ZNF407: variants seen among roughly 807,000 people sequenced by gnomAD.
The protein encoded by ZNF407 is zinc finger protein 407.
In ZNF407, 17 loss-of-function variants were observed where a neutral mutation model predicts 131.2. The observed-to-expected ratio is 0.13, with a 90% CI of 0.09 to 0.19. ZNF407 has a LOEUF of 0.19. ZNF407 is among the 10% of genes least tolerant of loss of function. The probability of loss-of-function intolerance (pLI) is 1.00; values close to 1 mark genes in which losing one functional copy is unlikely to be tolerated. For missense variants in ZNF407, 2,681 were observed against 2,830.6 expected (o/e 0.95, Z 1.20); for synonymous variants, 1,156 against 1,062.0 (o/e 1.09, Z -1.72).
intron 8 of ZNF407, among the ~76,000 whole-genome samples, chr18:74,946,013 T>G (rs572009056): frequency 1.3e-5 from 2 of 152,170 alleles, no homozygotes; most frequent in African/African-American, 4.8e-5. Flanking sequence ...TTGCTGCCCA[T>G]AGCACCGTCA....
In ZNF407 at chr18:74,733,254, A is replaced by G. The variant is rs145082577; in HGVS notation, c.4803-48174A>G. ...TGCTGCAATAATTGTAAATTACAGT[A>G]TGTAATCTGTGCCTGAACCTCTTTC... On this transcript the variant is annotated intron_variant, in intron 3 of 8. Coordinates refer to ENST00000299687, the MANE Select transcript of ZNF407 (RefSeq NM_017757.3). Among the ~76,000 whole-genome samples the G allele has an allele frequency of 4.0e-3, 605 of 152,308 alleles. 4 individuals carry two copies. The highest frequency in any genetic ancestry group is 0.013 in the African/African-American group (555 of 41,582).
chr18:75,046,900 C>T (rs963489531), intron 8 of ZNF407, among the ~76,000 whole-genome samples: 7 of 151,992 alleles, frequency 4.6e-5, no homozygotes, highest in Non-Finnish European at 8.8e-5. Context: ...ATATACTAGT[C>T]GAATTTAAGT....
intron 8 of ZNF407, among the ~76,000 whole-genome samples, chr18:74,969,831 T>C (rs1200071858): frequency 6.6e-6 from 1 of 152,222 alleles, no homozygotes; most frequent in African/African-American, 2.4e-5. Flanking sequence ...TGTTAACTTG[T>C]TTGCATGAGA....
intron 8 of ZNF407, among the ~76,000 whole-genome samples, chr18:75,003,133 C>A (rs1972867466): frequency 6.6e-6 from 1 of 152,326 alleles, no homozygotes; most frequent in Middle Eastern, 3.4e-3. Flanking sequence ...GCTTTCCTAA[C>A]AAACATTTCA....
At chr18:74,670,012 C>T (rs906502581) in intron 3 of ZNF407, among the ~76,000 whole-genome samples, 1 of 152,208 alleles carries the variant, frequency 6.6e-6, no homozygotes, top group Non-Finnish European at 1.5e-5. Context: ...GTGGGATCTT[C>T]TCCCACAGCC....
intron 7 of ZNF407, among the ~76,000 whole-genome samples, chr18:74,910,712 TTTTAATGA>T (rs1450827344): frequency 1.3e-5 from 2 of 152,200 alleles, no homozygotes; most frequent in Admixed American, 1.3e-4. Context: ...TTTCCCACAT[TTTTAATGA>T]TTAGAGTTTC....
intron 8 of ZNF407, among the ~76,000 whole-genome samples, chr18:74,921,898 T>C (rs1971851630): frequency 6.6e-6 from 1 of 152,226 alleles, no homozygotes; most frequent in Non-Finnish European, 1.5e-5. Flanking sequence ...GAAATTGAAC[T>C]TGAGTAATTT....
intron 4 of ZNF407, 85 bp downstream of exon 4, chr18:74,781,587 T>C: frequency 1.0e-6 from 1 of 972,010 alleles, no homozygotes; most frequent in Admixed American, 3.4e-5. Flanking sequence ...TTCTAGACTT[T>C]TTTTTCACAT....
At chr18:74,910,312 T>G (rs1041792089) in intron 7 of ZNF407, among the ~76,000 whole-genome samples, 12 of 152,276 alleles carry the variant, frequency 7.9e-5, no homozygotes, top group African/African-American at 2.9e-4. Context: ...TTAACTTAAA[T>G]ATGTATATAT....
chr18:74,788,682 T>C (rs1969768355), intron 4 of ZNF407, among the ~76,000 whole-genome samples: 1 of 150,372 alleles, frequency 6.7e-6, no homozygotes, highest in Admixed American at 6.6e-5. Flanking sequence ...AGGTAGTGAG[T>C]TTTTAAGTGT....
chr18:74,685,581 C>G (rs1022170399), intron 3 of ZNF407, among the ~76,000 whole-genome samples: 1 of 152,180 alleles, frequency 6.6e-6, no homozygotes, highest in Non-Finnish European at 1.5e-5. Flanking sequence ...CCCTCCATGA[C>G]CTGATGCCCC....
intron 3 of ZNF407, among the ~76,000 whole-genome samples, chr18:74,644,486 G>A (rs930714532): frequency 2.0e-5 from 3 of 151,652 alleles, no homozygotes; most frequent in African/African-American, 7.3e-5. Context: ...AGTCAAAAAC[G>A]TAAAAATCTC....
intron 8 of ZNF407, among the ~76,000 whole-genome samples, chr18:74,940,906 T>G (rs1315078389): frequency 6.6e-6 from 1 of 152,118 alleles, no homozygotes; most frequent in Non-Finnish European, 1.5e-5. Context: ...TACTGCTCAG[T>G]TTTCTTTGGT....
rs1224858972 is a variant in ZNF407 at position 75,063,676 on chromosome 18, A to G, written c.5955A>G (p.Ala1985=). 4 of 1,610,522 alleles carry G rather than the reference A, an allele frequency of 2.5e-6. No individual in the cohort carries two copies. The African/African-American group carries it at 4.0e-5, about 16-fold the overall frequency. ...AGGCTGGAGTCGCTCCCCCCGAGGCATCCTCAGCCCTGGATGCATTGCTCT... is the reference window on the plus strand; with the variant it reads ...AGGCTGGAGTCGCTCCCCCCGAGGCGTCCTCAGCCCTGGATGCATTGCTCT... ...LSEAGVAPPE[A]SSALDALLCA... is the part of the protein sequence containing the mutation. Residue 1985 remains alanine (A), a synonymous_variant, in exon 9 of 9, where the codon GCA becomes GCG. Coordinates refer to ENST00000299687, the MANE Select transcript of ZNF407 (RefSeq NM_017757.3). The surrounding 1 kb of genome is among the most constrained non-coding windows in gnomAD (Gnocchi z 6.6).
Position 74,899,934 on chromosome 18 carries a change from G to A in ZNF407, c.5249+9896G>A, listed in dbSNP as rs893921403. ...GTTCACAGAAACTTTGCCTTGAGGC[G>A]GCTCTGTGAAAACACTGGGCCAGAG... On this transcript the variant is annotated intron_variant, in intron 7 of 8. Transcript: ENST00000299687. 2.6e-5 allele frequency among the ~76,000 whole-genome samples: 4 copies of A among 152,190 alleles called. No individual in the cohort carries two copies. In the East Asian group the frequency reaches 5.8e-4, roughly 22 times the overall value.
intron 8 of ZNF407, among the ~76,000 whole-genome samples, chr18:74,999,833 A>G (rs1972824824): frequency 6.6e-6 from 1 of 152,338 alleles, no homozygotes; most frequent in East Asian, 1.9e-4. Flanking sequence ...TTTAATTTTC[A>G]ATGATGTTTT....
At chr18:74,964,841 G>A (rs1421019659) in intron 8 of ZNF407, among the ~76,000 whole-genome samples, 3 of 152,036 alleles carry the variant, frequency 2.0e-5, no homozygotes, top group Non-Finnish European at 1.5e-5. Context: ...AAGCACCTGG[G>A]GTGGGTGTCT....
intron 3 of ZNF407, among the ~76,000 whole-genome samples, chr18:74,710,316 C>T (rs573884137): frequency 3.0e-4 from 45 of 152,212 alleles, no homozygotes; most frequent in Non-Finnish European, 5.6e-4. Flanking sequence ...TATTTTTTCT[C>T]ATGTAGGGGT....
chr18:74,658,286 T>A (rs1213811745), intron 3 of ZNF407, among the ~76,000 whole-genome samples: 1 of 151,932 alleles, frequency 6.6e-6, no homozygotes. Flanking sequence ...GCCCAGCTAA[T>A]TTTTGTATTT....
Sources: allele counts gnomAD v4.1 joint callset (sites outside exome capture counted in the v4.1 genomes callset), GRCh38; gene constraint gnomAD v4.1.1; non-coding constraint Gnocchi (gnomAD v3.1); transcripts MANE v1.5; gene names NCBI Gene and HGNC (gene_info 2026-07-23, HGNC 2026-07-21).